The following P2RX3 variants were observed in gnomAD, a reference collection of about 807,000 sequenced individuals.
P2RX3 encodes P2X purinoceptor 3.
P2RX3 carries 41 observed loss-of-function variants against 51.5 expected under a neutral mutation model. The observed-to-expected ratio is 0.80, with a 90% CI of 0.62 to 1.03. The LOEUF (loss-of-function observed/expected upper bound fraction) is 1.03. Among genes scored for constraint, P2RX3 ranks in the 50% least tolerant of loss-of-function variants. The pLI, the probability that P2RX3 is intolerant of heterozygous loss-of-function variation, is 0.00. For synonymous variants in P2RX3, 185 were observed against 191.6 expected (o/e 0.97, Z 0.29); for missense variants, 459 against 522.1 (o/e 0.88, Z 1.18).
chr11:57,338,700 G>A (rs375377741), intron 1 of P2RX3, 31 bp downstream of exon 1: 2 of 1,497,446 alleles, frequency 1.3e-6, no homozygotes, highest in Non-Finnish European at 1.8e-6. Context: ...GTTCCTGGCG[G>A]GGTGGGCTGC....
intron 1 of P2RX3, among the ~76,000 whole-genome samples, chr11:57,344,439 C>T: frequency 6.6e-6 from 1 of 152,200 alleles, no homozygotes; most frequent in East Asian, 1.9e-4. Context: ...TGGATCCCGC[C>T]TGTAATCCCA....
intron 10 of P2RX3, 114 bp downstream of exon 10, chr11:57,368,551 C>A (rs751983089): frequency 2.5e-6 from 3 of 1,178,368 alleles, no homozygotes; most frequent in African/African-American, 1.5e-5. Context: ...AATGTAAAAC[C>A]CCTACCCCCA....
At chr11:57,346,707 G>A in intron 2 of P2RX3, 28 bp downstream of exon 2, 5 of 1,611,010 alleles carry the variant, frequency 3.1e-6, no homozygotes, top group Non-Finnish European at 4.2e-6. Context: ...AGAGAGGCAT[G>A]TGGATGTCCA....
In P2RX3 at chr11:57,348,256, G is replaced by C. The variant is rs374593455; in HGVS notation, c.478G>C (p.Val160Leu). Reference sequence around the variant, plus strand: ...CTGGTGCCCCACGGAGGTGGACACAGTGGAAACGTAAGGCTCCAAGCCAGA... The same window carrying C: ...CTGGTGCCCCACGGAGGTGGACACACTGGAAACGTAAGGCTCCAAGCCAGA... ...QGWCPTEVDTVETPIMMEAEN... is the reference protein window; with the variant it reads ...QGWCPTEVDTLETPIMMEAEN... Residue 160 changes from valine (V) to leucine (L), a missense_variant, in exon 5 of 12, where the codon GTG (valine) becomes CTG (leucine). Physicochemically the swap from Val to Leu is conservative, Grantham distance 32 (BLOSUM62 1). Transcript: ENST00000263314. 3.6e-5 allele frequency: 57 copies of C among 1,601,716 alleles called. No homozygotes were observed. In the East Asian group the frequency reaches 1.0e-3, roughly 28 times the overall value.
intron 10 of P2RX3, 79 bp downstream of exon 10, chr11:57,368,516 G>T: frequency 6.6e-7 from 1 of 1,510,306 alleles, no homozygotes; most frequent in East Asian, 2.3e-5. Flanking sequence ...GGGAGTGACG[G>T]CGGCAAAACT....
At chr11:57,341,341 C>G (rs1250313053) in intron 1 of P2RX3, among the ~76,000 whole-genome samples, 12 of 152,178 alleles carry the variant, frequency 7.9e-5, no homozygotes. Context: ...ATCATCCCAA[C>G]CAGGTCAACA....
chr11:57,336,298 G>A (rs999367909), upstream of P2RX3, among the ~76,000 whole-genome samples: 2 of 152,076 alleles, frequency 1.3e-5, no homozygotes, highest in Non-Finnish European at 2.9e-5. Flanking sequence ...GTCATCGTGG[G>A]TGCACTGCTT....
rs2134457097 is a variant in P2RX3, at chr11:57,371,651, C to T, written c.*1654C>T. On this transcript the variant is annotated 3_prime_UTR_variant, in exon 12 of 12. Coordinates refer to ENST00000263314, the MANE Select transcript of P2RX3 (RefSeq NM_002559.5). Reference sequence around the variant, plus strand: ...ACCCCTTCCCTCACTCTGCCCTAACCCACAGCCCCATGCCCAGGATGGTGG... The same window carrying T: ...ACCCCTTCCCTCACTCTGCCCTAACTCACAGCCCCATGCCCAGGATGGTGG... Among the ~76,000 whole-genome samples the T allele has an allele frequency of 1.3e-5, 2 of 152,344 alleles. No homozygotes were observed. Among genetic ancestry groups the T allele is most frequent in the African/African-American group, 4.8e-5 (2 of 41,570 alleles).
intron 10 of P2RX3, 103 bp from the exon 11 acceptor site, chr11:57,369,258 T>G (rs1856843575): frequency 1.3e-5 from 12 of 954,580 alleles, no homozygotes; most frequent in Non-Finnish European, 1.8e-5. Context: ...TGCCCACTGT[T>G]TAGGCAGCTT....
intron 9 of P2RX3, 107 bp from the exon 10 acceptor site, chr11:57,368,264 AG>A: frequency 1.5e-6 from 2 of 1,347,588 alleles, no homozygotes; most frequent in Non-Finnish European, 2.1e-6. Flanking sequence ...CGTGAAGGGG[AG>A]GGATCTGCTG....
upstream of P2RX3, among the ~76,000 whole-genome samples, chr11:57,337,551 G>A (rs1856257231): frequency 6.6e-6 from 1 of 152,060 alleles, no homozygotes; most frequent in Admixed American, 6.5e-5. Flanking sequence ...CCATCATTCT[G>A]AGCAAATTAT....
intron 8 of P2RX3, among the ~76,000 whole-genome samples, chr11:57,363,792 C>G (rs978515581): frequency 2.0e-5 from 3 of 152,214 alleles, no homozygotes; most frequent in Non-Finnish European, 4.4e-5. Flanking sequence ...GTTACCCCCT[C>G]TGTCTGCAGC....
Position 57,370,743 on chromosome 11 carries a change from C to T in P2RX3, c.*746C>T, listed in dbSNP as rs1024178208. ...CAGTGAATTTTTCCTCATCACTCCC[C>T]ATAGCTCTCTCCCCAAACCAGGGAA... On this transcript the variant is annotated 3_prime_UTR_variant, in exon 12 of 12. Coordinates refer to ENST00000263314, the MANE Select transcript of P2RX3 (RefSeq NM_002559.5). 3 of 152,262 alleles carry T rather than the reference C, an allele frequency of 2.0e-5. No individual in the cohort carries two copies. Among genetic ancestry groups the T allele is most frequent in the African/African-American group, 7.2e-5 (3 of 41,450 alleles). 9.4% of individuals were successfully genotyped at this position (152,262 alleles called of 1,614,324 possible).
intron 8 of P2RX3, among the ~76,000 whole-genome samples, chr11:57,358,438 A>C (rs116496843): frequency 3.9e-5 from 6 of 152,360 alleles, no homozygotes; most frequent in African/African-American, 1.4e-4. Context: ...CAAATAACGA[A>C]AAATGCTTAT....
At chr11:57,358,758 C>T (rs1222856374) in intron 8 of P2RX3, among the ~76,000 whole-genome samples, 1 of 152,200 alleles carries the variant, frequency 6.6e-6, no homozygotes, top group Non-Finnish European at 1.5e-5. Flanking sequence ...ATCACAATCA[C>T]GTTGGAATGG....
chr11:57,369,336 G>A, intron 10 of P2RX3, 25 bp from the exon 11 acceptor site: 1 of 1,604,658 alleles, frequency 6.2e-7, no homozygotes, highest in Non-Finnish European at 8.5e-7. Context: ...ACCCCTCGGA[G>A]CCCGCCCTGC....
At chr11:57,362,063 G>A (rs191903312) in intron 8 of P2RX3, among the ~76,000 whole-genome samples, 1 of 152,350 alleles carries the variant, frequency 6.6e-6, no homozygotes, top group East Asian at 1.9e-4. Flanking sequence ...CAGAGCAGGT[G>A]TGCTCCAAAT....
chr11:57,347,939 G>T (rs1273344322), intron 4 of P2RX3, among the ~76,000 whole-genome samples: 1 of 152,170 alleles, frequency 6.6e-6, no homozygotes, highest in Non-Finnish European at 1.5e-5. Flanking sequence ...AGAAGAAGAG[G>T]TGTCCTCAGG....
At chr11:57,361,997 T>G (rs916665672) in intron 8 of P2RX3, among the ~76,000 whole-genome samples, 5 of 152,144 alleles carry the variant, frequency 3.3e-5, no homozygotes, top group Non-Finnish European at 5.9e-5. Context: ...TTTCTCTCCC[T>G]CTCATGACAG....
Sources: gnomAD v4.1 joint callset for allele counts (sites outside exome capture counted in the v4.1 genomes callset) on GRCh38, gnomAD v4.1.1 for gene constraint, MANE v1.5 for transcripts, NCBI Gene and HGNC (gene_info 2026-07-23, HGNC 2026-07-21) for gene names.